The following RAB31 variants were observed in gnomAD, a reference collection of about 807,000 sequenced individuals.
The protein encoded by RAB31 is ras-related protein Rab-31.
RAB31 carries 21 observed loss-of-function variants against 25.6 expected under a neutral mutation model. That is an observed-to-expected ratio of 0.82 (90% CI 0.58 to 1.18). The LOEUF (loss-of-function observed/expected upper bound fraction) is 1.18. Among genes scored for constraint, RAB31 ranks in the 50% most tolerant of loss-of-function variants. The pLI, the probability that RAB31 is intolerant of heterozygous loss-of-function variation, is 0.00. For synonymous variants in RAB31, 87 were observed against 84.0 expected (o/e 1.04, Z -0.20); for missense variants, 196 against 250.1 (o/e 0.78, Z 1.46).
At chr18:9,742,734 T>G (rs1270127850) in intron 1 of RAB31, among the ~76,000 whole-genome samples, 1 of 152,218 alleles carries the variant, frequency 6.6e-6, no homozygotes. Context: ...GAAATCCTTC[T>G]CTTTTACTCA....
chr18:9,748,358 T>C (rs887895758), intron 1 of RAB31, among the ~76,000 whole-genome samples: 1 of 151,546 alleles, frequency 6.6e-6, no homozygotes, highest in Non-Finnish European at 1.5e-5. Context: ...TAATAATAAT[T>C]AGCCAGGCAT....
chr18:9,798,701 C>T (rs961893261), intron 3 of RAB31, among the ~76,000 whole-genome samples: 1 of 151,850 alleles, frequency 6.6e-6, no homozygotes, highest in East Asian at 1.9e-4. Context: ...TCACTGCAAC[C>T]TCAAACTCCC....
chr18:9,819,624 C>T (rs10460021), intron 5 of RAB31, among the ~76,000 whole-genome samples: 1 of 152,036 alleles, frequency 6.6e-6, no homozygotes. Context: ...TTGATTTTAA[C>T]AGAAATTGTG....
intron 1 of RAB31, among the ~76,000 whole-genome samples, chr18:9,739,932 C>A (rs1325127580): frequency 6.6e-6 from 1 of 152,238 alleles, no homozygotes; most frequent in Non-Finnish European, 1.5e-5. Context: ...CAGTTTCTCT[C>A]CTAAGCATCT....
chr18:9,837,679 A>G (rs1476155952), intron 5 of RAB31, among the ~76,000 whole-genome samples: 16 of 152,272 alleles, frequency 1.1e-4, no homozygotes, highest in Admixed American at 9.8e-4. Context: ...GTCATGGAAC[A>G]AGAAACACTC....
At chr18:9,719,269 CAAAAAAAAAAAAAAA>C (rs56291796) in intron 1 of RAB31, among the ~76,000 whole-genome samples, 1 of 21,446 alleles carries the variant, frequency 4.7e-5, no homozygotes, top group African/African-American at 3.4e-4. Context: ...GACTCTGTCT[CAAAAAAAAAAAAAAA>C]AAAAAAAAAA....
chr18:9,725,969 T>C (rs1038918560), intron 1 of RAB31: 1 of 152,216 alleles, frequency 6.6e-6, no homozygotes, highest in African/African-American at 2.4e-5. Flanking sequence ...GTCCTCATGT[T>C]ATTTCATTTA....
At chr18:9,834,008 A>G (rs1406974371) in intron 5 of RAB31, among the ~76,000 whole-genome samples, 1 of 152,234 alleles carries the variant, frequency 6.6e-6, no homozygotes. Flanking sequence ...ACCGTCTGGA[A>G]TAGAGCCAAT....
chr18:9,823,113 G>A (rs1422268038), intron 5 of RAB31, among the ~76,000 whole-genome samples: 2 of 152,186 alleles, frequency 1.3e-5, no homozygotes, highest in South Asian at 2.1e-4. Flanking sequence ...CACACAGCTC[G>A]AAATGCATCT....
Position 9,708,499 on chromosome 18 carries a change from T to A in RAB31, c.39+55T>A. On this transcript the variant is annotated intron_variant, in intron 1 of 6. Transcript: ENST00000578921. This position sits in a 1 kb window ranked among gnomAD's most constrained non-coding sequence, Gnocchi z 6.4. ...CCCCGGCCCGCGCTCTCGCGCCCCT[T>A]CGCTCCCCTATTCCCTGCGCGCTCA... 6.8e-7 allele frequency: 1 copy of A among 1,468,304 alleles called. No homozygotes were observed. Among genetic ancestry groups the A allele is most frequent in the South Asian group, 1.2e-5 (1 of 80,212 alleles). The allele number at this position is 1,468,304 out of a possible 1,614,324, so 91.0% of individuals were successfully genotyped here.
chr18:9,828,109 G>A (rs1320776868), intron 5 of RAB31, among the ~76,000 whole-genome samples: 3 of 152,120 alleles, frequency 2.0e-5, no homozygotes, highest in Non-Finnish European at 2.9e-5. Context: ...GATCTGGAAC[G>A]AAGGCCTGGA....
At chr18:9,768,660 G>A (rs1198373742) in intron 1 of RAB31, among the ~76,000 whole-genome samples, 1 of 152,124 alleles carries the variant, frequency 6.6e-6, no homozygotes, top group Non-Finnish European at 1.5e-5. Flanking sequence ...TGTTCACTCT[G>A]ATGATAGTTT....
Position 9,708,515 on chromosome 18 carries a change from T to C in RAB31, c.39+71T>C, listed in dbSNP as rs1460925847. The C allele has an allele frequency of 3.8e-6, 5 of 1,329,042 alleles. No homozygotes were observed. In the East Asian group the frequency reaches 1.5e-4, roughly 40 times the overall value. 82.3% of individuals were successfully genotyped at this position (1,329,042 alleles called of 1,614,324 possible). ...CGCGCCCCTTCGCTCCCCTATTCCC[T>C]GCGCGCTCAGTCCCCGTGATCCCCT... On this transcript the variant is annotated intron_variant, in intron 1 of 6. Transcript: ENST00000578921. The surrounding 1 kb of genome is among the most constrained non-coding windows in gnomAD (Gnocchi z 6.4).
At chr18:9,777,157 C>A (rs1052149422) in intron 2 of RAB31, among the ~76,000 whole-genome samples, 3 of 87,090 alleles carry the variant, frequency 3.4e-5, no homozygotes, top group African/African-American at 1.4e-4. Flanking sequence ...GCCTGGCCAA[C>A]ACGGTGAAAC....
intron 1 of RAB31, among the ~76,000 whole-genome samples, chr18:9,773,542 C>G (rs1898679713): frequency 6.6e-6 from 1 of 152,204 alleles, no homozygotes; most frequent in Admixed American, 6.5e-5. Flanking sequence ...TGTCTCAGAA[C>G]AGCAGCCATT....
At chr18:9,743,548 C>T (rs2068190523) in intron 1 of RAB31, among the ~76,000 whole-genome samples, 2 of 152,198 alleles carry the variant, frequency 1.3e-5, no homozygotes, top group Admixed American at 1.3e-4. Flanking sequence ...CCCAGATGGA[C>T]ATGGAGTTGG....
At chr18:9,832,077 A>T (rs989806773) in intron 5 of RAB31, among the ~76,000 whole-genome samples, 13 of 152,190 alleles carry the variant, frequency 8.5e-5, no homozygotes, top group African/African-American at 2.9e-4. Flanking sequence ...GGATACGCCG[A>T]GCGATCTGGG....
chr18:9,798,941 A>T (rs2068500320), intron 3 of RAB31, among the ~76,000 whole-genome samples: 1 of 152,206 alleles, frequency 6.6e-6, no homozygotes, highest in Admixed American at 6.5e-5. Context: ...TAGAAAAAGT[A>T]GCTGGGCGTG....
chr18:9,820,809 G>A (rs1370776523), intron 5 of RAB31, among the ~76,000 whole-genome samples: 1 of 151,712 alleles, frequency 6.6e-6, no homozygotes, highest in Non-Finnish European at 1.5e-5. Context: ...CAGTCTAGTC[G>A]ATAGTTTGTC....
Sources: gnomAD v4.1 joint callset for allele counts (sites outside exome capture counted in the v4.1 genomes callset) on GRCh38, gnomAD v4.1.1 for gene constraint, Gnocchi (gnomAD v3.1) non-coding constraint, MANE v1.5 for transcripts, NCBI Gene and HGNC (gene_info 2026-07-23, HGNC 2026-07-21) for gene names.